Variants in SAMD13 observed in about 807,000 individuals in gnomAD.
SAMD13 encodes the protein sterile alpha motif domain containing 13, also known as sterile alpha motif domain-containing protein 13.
A neutral mutation model predicts 12.4 loss-of-function variants in SAMD13; 9 were observed. The ratio of observed to expected loss-of-function variants is 0.72; its 90% CI spans 0.44 to 1.26. SAMD13 has a LOEUF of 1.26. Ranked by LOEUF, SAMD13 falls within the 50% of genes most tolerant of loss-of-function variation. The pLI is 0.00. For synonymous variants in SAMD13, 46 were observed against 45.4 expected (o/e 1.01, Z -0.05); for missense variants, 84 against 119.6 (o/e 0.70, Z 1.39).
At chr1:84,311,332 TAAAAAAAAA>T (rs757714939) in intron 2 of SAMD13, among the ~76,000 whole-genome samples, 2 of 112,248 alleles carry the variant, frequency 1.8e-5, no homozygotes, top group African/African-American at 6.9e-5. Flanking sequence ...TGAGACTGTC[TAAAAAAAAA>T]AAAAAAAAAG....
chr1:84,340,671 A>T (rs1424279512), intron 3 of SAMD13, among the ~76,000 whole-genome samples: 1 of 152,202 alleles, frequency 6.6e-6, no homozygotes, highest in African/African-American at 2.4e-5. Flanking sequence ...TATTTTAAAA[A>T]ATATTAAGTA....
chr1:84,300,547 T>G (rs79214179), upstream of SAMD13, among the ~76,000 whole-genome samples: 1 of 152,182 alleles, frequency 6.6e-6, no homozygotes, highest in Non-Finnish European at 1.5e-5. Flanking sequence ...GTGATAACTT[T>G]TTCCAGGATC....
intron 2 of SAMD13, among the ~76,000 whole-genome samples, chr1:84,314,907 A>C (rs1176671188): frequency 6.6e-6 from 1 of 151,950 alleles, no homozygotes; most frequent in African/African-American, 2.4e-5. Flanking sequence ...TACGTATGAT[A>C]AGTTAGAGTG....
At chr1:84,316,232 T>G (rs1678830072) in intron 2 of SAMD13, among the ~76,000 whole-genome samples, 1 of 142,074 alleles carries the variant, frequency 7.0e-6, no homozygotes, top group Non-Finnish European at 1.5e-5. Flanking sequence ...TATTTAGCCC[T>G]GCTTGTTTAT....
rs533324945 is a variant in SAMD13, at chr1:84,333,069, G to T, written c.165+7321G>T. Among the ~76,000 whole-genome samples, 5 of 151,978 alleles carry T rather than the reference G, an allele frequency of 3.3e-5. No individual in the cohort carries two copies. The South Asian group carries it at 1.0e-3, about 32-fold the overall frequency. On this transcript the variant is annotated intron_variant, in intron 3 of 3. Transcript: ENST00000394834. ...TACAGCTTTATTTCTGTACTCTCTA[G>T]TCTGTTACATTGGTCTATGTGTACC... is the stretch of plus-strand genomic sequence containing the variant.
In SAMD13 at chr1:84,325,750, T is replaced by C; in HGVS notation, c.165+2T>C. ...CAAGCTAGTGCTTTTCAGGAACAGG[T>C]AACTTGGTCTAGAGAAACACGTGAT... is the stretch of plus-strand genomic sequence containing the variant. On this transcript the variant is annotated splice_donor_variant, in intron 3 of 3. Coordinates refer to ENST00000394834, the MANE Select transcript of SAMD13 (RefSeq NM_001134663.2). LOFTEE classifies it high-confidence loss of function. 6.3e-7 allele frequency: 1 copy of C among 1,581,818 alleles called. No individual in the cohort carries two copies. Among genetic ancestry groups the C allele is most frequent in the Non-Finnish European group, 8.7e-7 (1 of 1,151,042 alleles).
intron 2 of SAMD13, among the ~76,000 whole-genome samples, chr1:84,307,280 G>A (rs1160514632): frequency 2.0e-5 from 3 of 151,996 alleles, no homozygotes; most frequent in East Asian, 3.9e-4. Context: ...CTTTGCATTC[G>A]TGTTCACTAA....
At chr1:84,337,134 G>A (rs575857948) in intron 3 of SAMD13, among the ~76,000 whole-genome samples, 21 of 152,224 alleles carry the variant, frequency 1.4e-4, no homozygotes, top group South Asian at 1.2e-3. Flanking sequence ...GAGTGTCTGC[G>A]GCTTTTCTGG....
intron 2 of SAMD13, among the ~76,000 whole-genome samples, chr1:84,321,125 T>C (rs1449558714): frequency 1.3e-5 from 2 of 152,170 alleles, no homozygotes; most frequent in Non-Finnish European, 2.9e-5. Flanking sequence ...TTTGTTATTA[T>C]TGCATTTCTG....
chr1:84,335,987 T>A (rs1207384384), intron 3 of SAMD13, among the ~76,000 whole-genome samples: 1 of 152,294 alleles, frequency 6.6e-6, no homozygotes, highest in Admixed American at 6.5e-5. Flanking sequence ...ATTTTTAATT[T>A]CATTTCAACC....
At chr1:84,304,985 G>A (rs1160872154) in intron 2 of SAMD13, among the ~76,000 whole-genome samples, 2 of 152,060 alleles carry the variant, frequency 1.3e-5, no homozygotes, top group Non-Finnish European at 2.9e-5. Flanking sequence ...TTGATCATTT[G>A]CGTGCAGGTC....
upstream of SAMD13, chr1:84,299,664 T>TATAG (rs1326939086): frequency 1.1e-6 from 1 of 926,804 alleles, no homozygotes; most frequent in South Asian, 4.1e-5. Context: ...AGTGTATATA[T>TATAG]ATATATATAT....
At chr1:84,303,364 T>A in intron 2 of SAMD13, 77 bp downstream of exon 2, 1 of 1,196,178 alleles carries the variant, frequency 8.4e-7, no homozygotes, top group Non-Finnish European at 1.2e-6. Context: ...ACTTCTTGCT[T>A]ATCTACTACA....
At chr1:84,318,440 C>G (rs1678878941) in intron 2 of SAMD13, among the ~76,000 whole-genome samples, 2 of 151,952 alleles carry the variant, frequency 1.3e-5, no homozygotes, top group African/African-American at 4.8e-5. Context: ...CCATTGATTT[C>G]TAGTTTCATT....
chr1:84,320,719 G>A (rs1462212037), intron 2 of SAMD13, among the ~76,000 whole-genome samples: 1 of 152,196 alleles, frequency 6.6e-6, no homozygotes, highest in Non-Finnish European at 1.5e-5. Context: ...CAAAGTTAGA[G>A]TGCACTGCTC....
chr1:84,344,182 C>G (rs568869713), intron 3 of SAMD13, among the ~76,000 whole-genome samples: 16 of 152,074 alleles, frequency 1.1e-4, no homozygotes, highest in Admixed American at 3.3e-4. Context: ...AGCATTAGCC[C>G]TTACAGTGAG....
At chr1:84,305,466 A>G (rs886913732) in intron 2 of SAMD13, among the ~76,000 whole-genome samples, 3 of 152,090 alleles carry the variant, frequency 2.0e-5, no homozygotes, top group Non-Finnish European at 4.4e-5. Flanking sequence ...CATTCTCTCC[A>G]TAGCATCTTT....
chr1:84,345,320 G>A, intron 3 of SAMD13: 1 of 427,232 alleles, frequency 2.3e-6, no homozygotes, highest in Non-Finnish European at 4.7e-6. Flanking sequence ...TTTCATATGA[G>A]GCTGGGGTGT....
chr1:84,333,835 G>A (rs760107425), intron 3 of SAMD13, among the ~76,000 whole-genome samples: 6 of 151,990 alleles, frequency 3.9e-5, no homozygotes, highest in African/African-American at 7.2e-5. Flanking sequence ...TTTTGGGTCC[G>A]TTTATGTGAT....
Sources: gnomAD v4.1 joint callset for allele counts (sites outside exome capture counted in the v4.1 genomes callset) on GRCh38, gnomAD v4.1.1 for gene constraint, MANE v1.5 for transcripts, NCBI Gene and HGNC (gene_info 2026-07-23, HGNC 2026-07-21) for gene names.